The following NCAPG2 variants were observed in gnomAD, a reference collection of about 807,000 sequenced individuals.
The protein encoded by NCAPG2 is condensin-2 complex subunit G2.
NCAPG2 carries 53 observed loss-of-function variants against 141.1 expected under a neutral mutation model. The ratio of observed to expected loss-of-function variants is 0.38; its 90% confidence interval spans 0.30 to 0.47. The LOEUF (loss-of-function observed/expected upper bound fraction) is 0.47. Among genes scored for constraint, NCAPG2 ranks in the 20% least tolerant of loss-of-function variants. The pLI, the probability that NCAPG2 is intolerant of heterozygous loss-of-function variation, is 0.99. For missense variants in NCAPG2, 1,087 were observed against 1,389.0 expected, an observed-to-expected ratio of 0.78 and a Z score of 3.46; for synonymous variants, 499 against 490.7, an observed-to-expected ratio of 1.02 and a Z score of -0.22.
intron 15 of NCAPG2, 78 bp from the exon 16 acceptor site, chr7:158,662,445 G>A: frequency 7.8e-7 from 1 of 1,286,496 alleles, no homozygotes; most frequent in Non-Finnish European, 1.0e-6. Context: ...CAGAATTAGA[G>A]CTCTAAAGCA....
chr7:158,648,847 G>C (rs201000245), intron 24 of NCAPG2, among the ~76,000 whole-genome samples: 2,617 of 35,400 alleles, frequency 0.074, 23 homozygotes, highest in African/African-American at 0.1. Flanking sequence ...TACAACCACG[G>C]CAAATGGACT....
intron 11 of NCAPG2, among the ~76,000 whole-genome samples, chr7:158,676,643 G>A (rs985401560): frequency 5.9e-5 from 9 of 152,202 alleles, no homozygotes; most frequent in African/African-American, 2.2e-4. Context: ...ATCAGATTGG[G>A]ATTAGTCAGC....
intron 6 of NCAPG2, 49 bp from the exon 7 acceptor site, chr7:158,687,491 T>A (rs527739769): frequency 1.6e-5 from 22 of 1,356,302 alleles, no homozygotes; most frequent in Non-Finnish European, 2.3e-5. Context: ...AAATAAAAAG[T>A]GCCAAATAAC....
chr7:158,702,626 G>A (rs1835883802), intron 1 of NCAPG2, among the ~76,000 whole-genome samples: 1 of 152,196 alleles, frequency 6.6e-6, no homozygotes, highest in Admixed American at 6.5e-5. Context: ...TGAGGTAATA[G>A]CAAATGATGG....
Position 158,699,969 on chromosome 7 carries a change from C to T in NCAPG2, c.78+1853G>A, listed in dbSNP as rs542962474. 5.9e-5 allele frequency among the ~76,000 whole-genome samples: 9 copies of T among 151,892 alleles called. No individual in the cohort carries two copies. The East Asian group carries it at 9.7e-4, about 16-fold the overall frequency. On this transcript the variant is annotated intron_variant, in intron 2 of 27. Transcript: ENST00000356309. ...TATTTATTTATTTTAACCAATTCTG[C>T]AGAGTGCAGTGACTGTTGGTAATGC...
In NCAPG2 at chr7:158,695,431, G is replaced by T. The variant is rs141858560; in HGVS notation, c.79-1934C>A. The stretch of plus-strand genomic sequence containing the variant: ...GCCCATCCACCTATGTGACAAACTA[G>T]GATGGGCTGCTAACTCCTTCCTGAA... On this transcript the variant is annotated intron_variant, in intron 2 of 27. Coordinates refer to ENST00000356309, the MANE Select transcript of NCAPG2 (RefSeq NM_017760.7). 2.2e-3 allele frequency among the ~76,000 whole-genome samples: 335 copies of T among 152,360 alleles called. 1 individual carries two copies. The highest frequency in any genetic ancestry group is 0.017 in the Middle Eastern group (5 of 294).
chr7:158,672,309 TATATATATATATATATATA>T lies in NCAPG2; in HGVS notation c.1327-662_1327-644del, dbSNP rs1267616393. Among the ~76,000 whole-genome samples, 40 of 34,386 alleles carry T rather than the reference TATATATATATATATATATA, an allele frequency of 1.2e-3. 1 individual carries two copies. The highest frequency in any genetic ancestry group is 3.6e-3 in the African/African-American group (31 of 8,540). The allele number at this position is 34,386 out of a possible 152,430, so 22.6% of individuals were successfully genotyped here. On this transcript the variant is annotated intron_variant, in intron 12 of 27. Transcript: ENST00000356309. ...GTGTGTGTGTATATATATATATATA[TATATATATATATATATATA>T]TTTTTTTTTTTTTTTTTTTTTTTTT...
chr7:158,638,482 C>G (rs529297381), intron 27 of NCAPG2, among the ~76,000 whole-genome samples: 2 of 152,236 alleles, frequency 1.3e-5, no homozygotes, highest in Admixed American at 6.5e-5. Flanking sequence ...TCAAGCAATC[C>G]ACCCACCTTA....
At chr7:158,662,461 G>A in intron 15 of NCAPG2, 94 bp from the exon 16 acceptor site, 3 of 1,113,978 alleles carry the variant, frequency 2.7e-6, no homozygotes, top group Non-Finnish European at 3.7e-6. Flanking sequence ...AAGCAAAAAT[G>A]TAGAGAACAT....
At chr7:158,637,693 G>A (rs541453148) in intron 27 of NCAPG2, among the ~76,000 whole-genome samples, 100 of 151,828 alleles carry the variant, frequency 6.6e-4, no homozygotes, top group Non-Finnish European at 1.1e-3. Context: ...TTTCTTCCAC[G>A]TAGGAAGCCA....
chr7:158,697,062 T>C (rs763835112), intron 2 of NCAPG2, among the ~76,000 whole-genome samples: 1 of 152,070 alleles, frequency 6.6e-6, no homozygotes, highest in Non-Finnish European at 1.5e-5. Context: ...TTTTAGAGTA[T>C]ATTCCTTCTA....
At chr7:158,662,389 T>C in intron 15 of NCAPG2, 22 bp from the exon 16 acceptor site, 1 of 1,530,042 alleles carries the variant, frequency 6.5e-7, no homozygotes, top group East Asian at 2.3e-5. Context: ...ATAATTTTAT[T>C]GTGAAAGGAT....
Position 158,662,433 on chromosome 7 carries a change from C to T in NCAPG2, c.1816-66G>A, listed in dbSNP as rs1832587235. The T allele has an allele frequency of 2.8e-6, 4 of 1,404,100 alleles. No individual in the cohort carries two copies. In the Admixed American group the frequency reaches 1.0e-4, roughly 37 times the overall value. 87.0% of individuals were successfully genotyped at this position (1,404,100 alleles called of 1,614,324 possible). ...AGCAACTACTAAAAGGTAACAGCAT[C>T]TCAGAATTAGAGCTCTAAAGCAAAA... On this transcript the variant is annotated intron_variant, in intron 15 of 27. Transcript: ENST00000356309.
At chr7:158,649,602 T>C (rs908314244) in intron 24 of NCAPG2, among the ~76,000 whole-genome samples, 14 of 152,374 alleles carry the variant, frequency 9.2e-5, no homozygotes, top group African/African-American at 2.6e-4. Context: ...ATCTAGTAAT[T>C]ACTTTCCAAA....
intron 13 of NCAPG2, among the ~76,000 whole-genome samples, chr7:158,671,142 C>A: frequency 8.1e-6 from 1 of 122,752 alleles, no homozygotes; most frequent in Admixed American, 8.5e-5. Flanking sequence ...AAGCAGGTGT[C>A]TCCCTCCTTC....
At position 158,664,285 on chromosome 7, in the gene NCAPG2, G is replaced by C; in HGVS notation, c.1714C>G (p.His572Asp). 6.2e-7 allele frequency: 1 copy of C among 1,612,480 alleles called. No individual in the cohort carries two copies. The highest frequency in any genetic ancestry group is 8.5e-7 in the Non-Finnish European group (1 of 1,178,554). ...GCATTTAAGCAATGACGAATAACGTGAATCAGCTTTGCTGAAATGTTTAGG... is the reference window on the plus strand; with the variant it reads ...GCATTTAAGCAATGACGAATAACGTCAATCAGCTTTGCTGAAATGTTTAGG... Reference protein sequence around the residue: ...TACTNIAKLIHVIRHCLNACI... With the variant: ...TACTNIAKLIDVIRHCLNACI... Residue 572 changes from histidine to aspartate, a missense_variant, in exon 15 of 28, where the codon CAC becomes GAC. Coordinates refer to ENST00000356309, the MANE Select transcript of NCAPG2 (RefSeq NM_017760.7).
At chr7:158,673,694 G>A (rs1300007996) in intron 12 of NCAPG2, among the ~76,000 whole-genome samples, 1 of 152,218 alleles carries the variant, frequency 6.6e-6, no homozygotes, top group African/African-American at 2.4e-5. Flanking sequence ...TGTAAACTGG[G>A]ACCAGCCGCA....
chr7:158,690,009 T>C, intron 5 of NCAPG2, 56 bp from the exon 6 acceptor site: 2 of 1,309,994 alleles, frequency 1.5e-6, no homozygotes, highest in Non-Finnish European at 2.0e-6. Flanking sequence ...AAGTCATATT[T>C]CAAATCAAGT....
intron 2 of NCAPG2, among the ~76,000 whole-genome samples, chr7:158,697,789 C>T (rs769627028): frequency 9.9e-5 from 15 of 152,108 alleles, no homozygotes; most frequent in African/African-American, 2.4e-4. Flanking sequence ...AAGTCCTTTG[C>T]GGGGACATAG....
Sources: allele counts gnomAD v4.1 joint callset (sites outside exome capture counted in the v4.1 genomes callset), GRCh38; gene constraint gnomAD v4.1.1; transcripts MANE v1.5; gene names NCBI Gene and HGNC (gene_info 2026-07-23, HGNC 2026-07-21).